Variants in NHEJ1 observed in about 807,000 individuals in gnomAD.
NHEJ1 encodes the protein non-homologous end joining factor 1, also known as non-homologous end-joining factor 1.
NHEJ1 carries 22 observed loss-of-function variants against 39.4 expected under a neutral mutation model. That is an observed-to-expected ratio of 0.56 (90% CI 0.40 to 0.80). NHEJ1 has a LOEUF of 0.80. NHEJ1 is among the 30% of genes least tolerant of loss of function. NHEJ1 has a pLI of 0.00. For missense variants in NHEJ1, 329 were observed against 357.1 expected (o/e 0.92, Z 0.63); for synonymous variants, 154 against 135.6 (o/e 1.14, Z -0.94).
chr2:219,095,101 T>C (rs1370584394), intron 5 of NHEJ1, among the ~76,000 whole-genome samples: 2 of 152,180 alleles, frequency 1.3e-5, no homozygotes, highest in Non-Finnish European at 2.9e-5. Flanking sequence ...CCAAGGTATG[T>C]GGAAGACTGT....
chr2:219,144,469 T>C (rs922110434), intron 5 of NHEJ1, among the ~76,000 whole-genome samples: 3 of 151,868 alleles, frequency 2.0e-5, no homozygotes, highest in African/African-American at 7.3e-5. Flanking sequence ...GGAAGAAGAA[T>C]AGTCTTTACA....
At chr2:219,118,634 G>A (rs746961950) in intron 5 of NHEJ1, among the ~76,000 whole-genome samples, 2 of 152,178 alleles carry the variant, frequency 1.3e-5, no homozygotes, top group African/African-American at 4.8e-5. Flanking sequence ...CCATAAAGCC[G>A]TATCAAACCC....
chr2:219,078,000 T>C (rs1393466873), intron 6 of NHEJ1, 89 bp downstream of exon 6: 5 of 901,014 alleles, frequency 5.5e-6, no homozygotes, highest in Non-Finnish European at 9.3e-6. Flanking sequence ...TAAATAGTTA[T>C]ATGTGGCTAG....
intron 5 of NHEJ1, among the ~76,000 whole-genome samples, chr2:219,099,720 A>T (rs1309777743): frequency 6.6e-6 from 1 of 151,328 alleles, no homozygotes; most frequent in Non-Finnish European, 1.5e-5. Context: ...TGAAAGAAGA[A>T]ACAGCCACCG....
intron 5 of NHEJ1, among the ~76,000 whole-genome samples, chr2:219,140,528 G>C (rs116177639): frequency 4.3e-4 from 65 of 152,298 alleles, no homozygotes; most frequent in African/African-American, 1.5e-3. Flanking sequence ...TTAAGGTAAA[G>C]CCAACAGGAT....
chr2:219,093,893 G>GT (rs1485641175), intron 5 of NHEJ1, among the ~76,000 whole-genome samples: 1 of 152,200 alleles, frequency 6.6e-6, no homozygotes, highest in Non-Finnish European at 1.5e-5. Flanking sequence ...AGCACGGAAC[G>GT]TGTGTGGAGG....
intron 5 of NHEJ1, among the ~76,000 whole-genome samples, chr2:219,120,466 T>C (rs1949460698): frequency 6.6e-6 from 1 of 152,150 alleles, no homozygotes; most frequent in African/African-American, 2.4e-5. Flanking sequence ...GGAATCAGAA[T>C]AGGGGGCAAT....
At chr2:219,076,525 C>A in intron 7 of NHEJ1, 70 bp from the exon 8 acceptor site, 17 of 944,790 alleles carry the variant, frequency 1.8e-5, no homozygotes, top group Non-Finnish European at 2.5e-5. Flanking sequence ...AAGGAACTTT[C>A]TTCCTCTCAT....
At chr2:219,121,931 T>C (rs997852285) in intron 5 of NHEJ1, among the ~76,000 whole-genome samples, 20 of 152,336 alleles carry the variant, frequency 1.3e-4, no homozygotes, top group Admixed American at 5.9e-4. Context: ...CTTTTAATTA[T>C]AGTCTGGAAT....
At chr2:219,139,331 G>A (rs1434700742) in intron 5 of NHEJ1, among the ~76,000 whole-genome samples, 1 of 152,102 alleles carries the variant, frequency 6.6e-6, no homozygotes, top group Non-Finnish European at 1.5e-5. Context: ...CAGGTGATCT[G>A]CCCGCCTCAG....
intron 2 of NHEJ1, 29 bp downstream of exon 2, chr2:219,158,157 G>C: frequency 1.2e-6 from 2 of 1,613,016 alleles, no homozygotes; most frequent in Non-Finnish European, 1.7e-6. Context: ...TCACATCCCC[G>C]ACACAGCAGT....
intron 3 of NHEJ1, among the ~76,000 whole-genome samples, chr2:219,153,065 AGT>A (rs1949813410): frequency 6.6e-6 from 1 of 152,238 alleles, no homozygotes; most frequent in Middle Eastern, 3.4e-3. Context: ...GGCCTCCCAA[AGT>A]GTTAGGATTA....
At position 219,153,700 on chromosome 2, in the gene NHEJ1, G is replaced by T. The variant is rs576689779; in HGVS notation, c.390+3772C>A. On this transcript the variant is annotated intron_variant, in intron 3 of 7. Transcript: ENST00000356853. ...AAAGAAAAAGAAAGAAAAGGGGGGG[G>T]GGGTGGAGAGAGAGAGAGAGAGCAA... 4.8e-4 allele frequency among the ~76,000 whole-genome samples: 61 copies of T among 126,528 alleles called. 5 individuals carry two copies. Among genetic ancestry groups the T allele is most frequent in the Non-Finnish European group, 8.8e-4 (49 of 55,418 alleles). The allele number at this position is 126,528 out of a possible 152,430, so 83.0% of individuals were successfully genotyped here.
At chr2:219,137,790 G>A (rs1366654166) in intron 5 of NHEJ1, among the ~76,000 whole-genome samples, 1 of 151,928 alleles carries the variant, frequency 6.6e-6, no homozygotes, top group East Asian at 1.9e-4. Context: ...TTCAATCAAA[G>A]CCTAAATCAA....
chr2:219,073,517 T>G lies in NHEJ1; in HGVS notation c.*2864A>C, dbSNP rs1027421184. Reference sequence around the variant, plus strand: ...AGGCTTTCTCTCCAAGCAGGGAGCATGCCTGTCCTAGCTAACTATGGGGGA... The same window carrying G: ...AGGCTTTCTCTCCAAGCAGGGAGCAGGCCTGTCCTAGCTAACTATGGGGGA... On this transcript the variant is annotated 3_prime_UTR_variant, in exon 8 of 8. Coordinates refer to ENST00000356853, the MANE Select transcript of NHEJ1 (RefSeq NM_024782.3). Among the ~76,000 whole-genome samples the G allele has an allele frequency of 3.3e-5, 5 of 152,176 alleles. No individual in the cohort carries two copies. The highest frequency in any genetic ancestry group is 7.4e-5 in the Non-Finnish European group (5 of 68,022).
chr2:219,103,424 C>T (rs1027159736), intron 5 of NHEJ1, among the ~76,000 whole-genome samples: 4 of 152,018 alleles, frequency 2.6e-5, no homozygotes, highest in Middle Eastern at 3.4e-3. Flanking sequence ...TACAGGCACA[C>T]ACCAGAATAC....
At chr2:219,118,241 A>AG (rs1281212812) in intron 5 of NHEJ1, among the ~76,000 whole-genome samples, 5 of 151,868 alleles carry the variant, frequency 3.3e-5, no homozygotes, top group Non-Finnish European at 5.9e-5. Flanking sequence ...TTCTCTTCAG[A>AG]CTCCTCAAGA....
chr2:219,085,731 AC>A (rs1291591107), intron 5 of NHEJ1, among the ~76,000 whole-genome samples: 1 of 112,068 alleles, frequency 8.9e-6, no homozygotes, highest in Non-Finnish European at 1.8e-5. Context: ...CACCCCCGCC[AC>A]CTTTTAAAAC....
At position 219,076,200 on chromosome 2, in the gene NHEJ1, T is replaced by C; in HGVS notation, c.*181A>G. The C allele has an allele frequency of 7.2e-7, 1 of 1,380,124 alleles. No homozygotes were observed. Among genetic ancestry groups the C allele is most frequent in the Admixed American group, 2.4e-5 (1 of 42,514 alleles). The allele number at this position is 1,380,124 out of a possible 1,614,324, so 85.5% of individuals were successfully genotyped here. On this transcript the variant is annotated 3_prime_UTR_variant, in exon 8 of 8. Coordinates refer to ENST00000356853, the MANE Select transcript of NHEJ1 (RefSeq NM_024782.3). ...GGGATTCTCAGAGACTGGCTTCCAC[T>C]TGAACAGGGAAGGCCAATTCCCTGT...
Sources: allele counts gnomAD v4.1 joint callset (sites outside exome capture counted in the v4.1 genomes callset), GRCh38; gene constraint gnomAD v4.1.1; transcripts MANE v1.5; gene names NCBI Gene and HGNC (gene_info 2026-07-23, HGNC 2026-07-21).